Variants in SESTD1 observed in about 807,000 individuals in gnomAD.
SESTD1 encodes the protein SEC14 and spectrin domain containing 1, also known as SEC14 domain and spectrin repeat-containing protein 1.
In SESTD1, 43 loss-of-function variants were observed where a neutral mutation model predicts 101.7. The observed-to-expected ratio is 0.42, with a 90% CI of 0.33 to 0.55. SESTD1 has a LOEUF of 0.55. SESTD1 is among the 20% of genes least tolerant of loss of function. SESTD1 has a pLI of 0.07. For missense variants in SESTD1, 647 were observed against 815.1 expected, an observed-to-expected ratio of 0.79 and a Z score of 2.51; for synonymous variants, 283 against 286.8, an observed-to-expected ratio of 0.99 and a Z score of 0.13.
chr2:179,145,453 A>G (rs1231190481), intron 8 of SESTD1, among the ~76,000 whole-genome samples: 1 of 152,242 alleles, frequency 6.6e-6, no homozygotes, highest in Non-Finnish European at 1.5e-5. Flanking sequence ...TAACATATGT[A>G]AAGTGCTCAG....
At chr2:179,250,252 C>T (rs2047295948) in intron 1 of SESTD1, among the ~76,000 whole-genome samples, 1 of 152,008 alleles carries the variant, frequency 6.6e-6, no homozygotes, top group Non-Finnish European at 1.5e-5. Flanking sequence ...GAGGATATAC[C>T]GATGACAAGC....
chr2:179,119,880 A>G (rs911537184), intron 13 of SESTD1, among the ~76,000 whole-genome samples: 1 of 152,082 alleles, frequency 6.6e-6, no homozygotes, highest in African/African-American at 2.4e-5. Flanking sequence ...TTCCCCAGCC[A>G]TACTTCCTGT....
chr2:179,223,134 C>T (rs979383968), intron 1 of SESTD1, among the ~76,000 whole-genome samples: 1 of 151,764 alleles, frequency 6.6e-6, no homozygotes, highest in Non-Finnish European at 1.5e-5. Flanking sequence ...CGCTGATATA[C>T]GATATAACGA....
At position 179,264,771 on chromosome 2, in the gene SESTD1, C is replaced by CGACCCCGCGCGCGCCCGGGT. The variant is rs1559169040; in HGVS notation, c.-318_-299dup. On this transcript the variant is annotated 5_prime_UTR_variant, in exon 1 of 18. Coordinates refer to ENST00000428443, the MANE Select transcript of SESTD1 (RefSeq NM_178123.5). ...ACCCGCGGCCCGAGCCGCGTCCGCGCGACCCCGCGCGCGCCCGGGTGACGG... is the reference window on the plus strand; with the variant it reads ...ACCCGCGGCCCGAGCCGCGTCCGCGCGACCCCGCGCGCGCCCGGGTGACCCCGCGCGCGCCCGGGTGACGG... The CGACCCCGCGCGCGCCCGGGT allele has an allele frequency of 6.6e-6, 1 of 151,478 alleles. No homozygotes were observed. Among genetic ancestry groups the CGACCCCGCGCGCGCCCGGGT allele is most frequent in the Non-Finnish European group, 1.5e-5 (1 of 67,640 alleles). 9.4% of individuals were successfully genotyped at this position (151,478 alleles called of 1,614,324 possible). A position where few individuals can be genotyped will look rare whatever the true frequency, so the allele number is the denominator to read the frequency against.
At chr2:179,194,885 G>C (rs552029287) in intron 1 of SESTD1, among the ~76,000 whole-genome samples, 6 of 152,250 alleles carry the variant, frequency 3.9e-5, no homozygotes, top group African/African-American at 7.2e-5. Flanking sequence ...TTATCAGCCA[G>C]GCATCCCCAT....
At chr2:179,230,618 C>T (rs1259179904) in intron 1 of SESTD1, among the ~76,000 whole-genome samples, 1 of 151,274 alleles carries the variant, frequency 6.6e-6, no homozygotes, top group African/African-American at 2.4e-5. Context: ...AGGAAAAGAA[C>T]CAAGAGAATG....
chr2:179,123,787 C>T lies in SESTD1; in HGVS notation c.1210G>A (p.Asp404Asn). The T allele has an allele frequency of 1.2e-6, 2 of 1,614,018 alleles. No homozygotes were observed. Among genetic ancestry groups the T allele is most frequent in the South Asian group, 2.2e-5 (2 of 91,080 alleles). The change falls in exon 12 of 18, where the codon GAT becomes AAT. Residue 404 changes from aspartate (D) to asparagine (N), a missense_variant. Asp to Asn is a conservative substitution (Grantham distance 23, BLOSUM62 1). Transcript: ENST00000428443. ...GATGCTCCATCAGCTGGTGCTACAT[C>T]TACGCACAACATCCCTAATAAGCCA... The part of the protein sequence containing the change: ...LDGLLGMLCV[D>N]VAPADGASIQ...
At chr2:179,218,521 C>T (rs1345531649) in intron 1 of SESTD1, among the ~76,000 whole-genome samples, 1 of 152,044 alleles carries the variant, frequency 6.6e-6, no homozygotes, top group Non-Finnish European at 1.5e-5. Context: ...AAGGAAAATG[C>T]AACCATGATT....
chr2:179,246,799 T>C (rs1181948560), intron 1 of SESTD1, among the ~76,000 whole-genome samples: 1 of 152,118 alleles, frequency 6.6e-6, no homozygotes, highest in Non-Finnish European at 1.5e-5. Flanking sequence ...AACAGAAAGA[T>C]AAAAGAACAA....
Position 179,181,502 on chromosome 2 carries a change from T to C in SESTD1, c.164+1578A>G, listed in dbSNP as rs566724890. ...AACTTTGACAATTAGGAGTTTTTGC[T>C]TTTCATTTGAACCTCAGAATTGGAC... On this transcript the variant is annotated intron_variant, in intron 3 of 17. Transcript: ENST00000428443. 2.6e-5 allele frequency among the ~76,000 whole-genome samples: 4 copies of C among 152,272 alleles called. No homozygotes were observed. In the South Asian group the frequency reaches 8.3e-4, roughly 32 times the overall value.
intron 1 of SESTD1, among the ~76,000 whole-genome samples, chr2:179,232,666 G>A (rs1465408171): frequency 6.6e-6 from 1 of 152,116 alleles, no homozygotes; most frequent in East Asian, 1.9e-4. Flanking sequence ...CCACACAATG[G>A]AGTACTATGC....
intron 1 of SESTD1, among the ~76,000 whole-genome samples, chr2:179,227,096 CT>C (rs1463157421): frequency 6.6e-6 from 1 of 152,152 alleles, no homozygotes; most frequent in African/African-American, 2.4e-5. Flanking sequence ...TTTATAAAGC[CT>C]TCTTTATGCT....
chr2:179,110,073 T>A (rs1354561992), intron 17 of SESTD1, 45 bp from the exon 18 acceptor site: 1 of 1,599,874 alleles, frequency 6.3e-7, no homozygotes, highest in East Asian at 2.2e-5. Context: ...AATACAAATC[T>A]ATTAACTGCA....
At chr2:179,166,828 G>A (rs937484139) in intron 5 of SESTD1, among the ~76,000 whole-genome samples, 1 of 152,214 alleles carries the variant, frequency 6.6e-6, no homozygotes, top group Non-Finnish European at 1.5e-5. Context: ...GTGGTGCACT[G>A]AGGAAAATAA....
chr2:179,249,880 T>C (rs1165524327), intron 1 of SESTD1, among the ~76,000 whole-genome samples: 1 of 136,316 alleles, frequency 7.3e-6, no homozygotes, highest in Non-Finnish European at 1.5e-5. Flanking sequence ...AGCAACTGAA[T>C]ATCCACAGGC....
At chr2:179,115,456 TAA>T (rs2044607803) in intron 15 of SESTD1, among the ~76,000 whole-genome samples, 200 bp from the exon 16 acceptor site, 1 of 152,166 alleles carries the variant, frequency 6.6e-6, no homozygotes, top group Non-Finnish European at 1.5e-5. Flanking sequence ...TAGTTTATAA[TAA>T]GTTTCATGGC....
intron 15 of SESTD1, 124 bp downstream of exon 15, chr2:179,116,544 C>G: frequency 6.7e-7 from 1 of 1,490,736 alleles, no homozygotes; most frequent in Non-Finnish European, 9.3e-7. Context: ...TTTCTTAATT[C>G]TGTGACACTT....
intron 16 of SESTD1, 143 bp downstream of exon 16, chr2:179,114,922 T>C: frequency 2.8e-6 from 2 of 721,748 alleles, no homozygotes; most frequent in South Asian, 2.0e-5. Context: ...GGCAATGTAT[T>C]ATATCTAAAC....
At chr2:179,198,662 C>G (rs540057366) in intron 1 of SESTD1, among the ~76,000 whole-genome samples, 130 of 151,634 alleles carry the variant, frequency 8.6e-4, no homozygotes, top group African/African-American at 3.1e-3. Context: ...CACTCAAAAC[C>G]GCTCAACTAC....
Sources: gnomAD v4.1 joint callset for allele counts (sites outside exome capture counted in the v4.1 genomes callset) on GRCh38, gnomAD v4.1.1 for gene constraint, MANE v1.5 for transcripts, NCBI Gene and HGNC (gene_info 2026-07-23, HGNC 2026-07-21) for gene names.